Variants in SPECC1L observed in about 807,000 individuals in gnomAD.
SPECC1L encodes cytospin-A.
A neutral mutation model predicts 116.8 loss-of-function variants in SPECC1L; 40 were observed. The observed-to-expected ratio is 0.34, with a 90% CI of 0.27 to 0.45. The LOEUF is 0.45. Ranked by LOEUF, SPECC1L falls within the 20% of genes least tolerant of loss-of-function variation. SPECC1L has a pLI of 1.00. For synonymous variants in SPECC1L, 504 were observed against 500.6 expected, an observed-to-expected ratio of 1.01 and a Z score of -0.09; for missense variants, 1,110 against 1,373.6, an observed-to-expected ratio of 0.81 and a Z score of 3.03.
intron 11 of SPECC1L, among the ~76,000 whole-genome samples, chr22:24,356,937 C>G (rs906042897): frequency 2.6e-5 from 4 of 151,872 alleles, no homozygotes; most frequent in African/African-American, 9.7e-5. Context: ...AGTATCCCTG[C>G]TCTCTACCCA....
chr22:24,327,347 C>CA (rs367775156), intron 6 of SPECC1L, among the ~76,000 whole-genome samples: 4 of 145,110 alleles, frequency 2.8e-5, no homozygotes, highest in Non-Finnish European at 4.5e-5. Context: ...AGCATAATGG[C>CA]AAAAAAATTT....
intron 12 of SPECC1L, 125 bp downstream of exon 12, chr22:24,363,469 C>G: frequency 3.6e-6 from 3 of 843,256 alleles, no homozygotes; most frequent in Non-Finnish European, 3.9e-6. Context: ...TCAAGCTGTC[C>G]TCTCACCTTG....
chr22:24,365,994 G>A (rs2041756731), intron 13 of SPECC1L, among the ~76,000 whole-genome samples: 2 of 151,932 alleles, frequency 1.3e-5, no homozygotes, highest in African/African-American at 4.8e-5. Context: ...GGGAGGGTGG[G>A]GGGCATGATT....
At chr22:24,401,997 G>A (rs1423463201) in intron 14 of SPECC1L, among the ~76,000 whole-genome samples, 1 of 152,006 alleles carries the variant, frequency 6.6e-6, no homozygotes, top group South Asian at 2.1e-4. Flanking sequence ...GCCCTACCTC[G>A]GCCGCCTGCC....
At chr22:24,386,716 G>T (rs2146715670) in intron 14 of SPECC1L, among the ~76,000 whole-genome samples, 1 of 152,072 alleles carries the variant, frequency 6.6e-6, no homozygotes, top group East Asian at 1.9e-4. Flanking sequence ...CCATTCTCCT[G>T]CCTCAGCCTC....
chr22:24,289,028 TA>T (rs2049106498), intron 2 of SPECC1L, among the ~76,000 whole-genome samples: 2 of 152,248 alleles, frequency 1.3e-5, no homozygotes, highest in African/African-American at 4.8e-5. Flanking sequence ...GAGGTTGTTA[TA>T]AATGTACAAA....
chr22:24,347,154 C>T lies in SPECC1L; in HGVS notation c.2721C>T (p.Asn907=). 7 of 1,613,776 alleles carry T rather than the reference C, an allele frequency of 4.3e-6. No homozygotes were observed. The highest frequency in any genetic ancestry group is 5.9e-6 in the Non-Finnish European group (7 of 1,179,722). ...PLTALSDKRP[N]YGEIPVQEHL... is the part of the protein sequence containing the mutation. ...CAGCCCTGTCAGATAAGAGACCAAACTATGGGGAAATCCCTGTTCAAGGTA... is the reference window on the plus strand; with the variant it reads ...CAGCCCTGTCAGATAAGAGACCAAATTATGGGGAAATCCCTGTTCAAGGTA... Residue 907 remains asparagine (N), a synonymous_variant, in exon 11 of 17, where the codon AAC becomes AAT. Transcript: ENST00000314328.
At chr22:24,375,052 C>T (rs76678136) in intron 14 of SPECC1L, among the ~76,000 whole-genome samples, 4,107 of 152,162 alleles carry the variant, frequency 0.027, 62 homozygotes, top group Middle Eastern at 0.045. Context: ...ATACTGTGAA[C>T]AATGAATGCC....
intron 4 of SPECC1L, among the ~76,000 whole-genome samples, chr22:24,316,139 A>G (rs900240967): frequency 5.9e-5 from 9 of 152,292 alleles, no homozygotes; most frequent in Admixed American, 2.0e-4. Context: ...TACCTCCTCC[A>G]GTGACTTTCC....
intron 4 of SPECC1L, among the ~76,000 whole-genome samples, chr22:24,315,792 C>T (rs1441844592): frequency 6.6e-6 from 1 of 152,200 alleles, no homozygotes; most frequent in Non-Finnish European, 1.5e-5. Flanking sequence ...TTTCTCAAAT[C>T]TGGAAGCCAG....
At chr22:24,295,281 A>G (rs1357310995) in intron 2 of SPECC1L, among the ~76,000 whole-genome samples, 2 of 150,972 alleles carry the variant, frequency 1.3e-5, no homozygotes, top group Non-Finnish European at 2.9e-5. Context: ...TTTTAAATTT[A>G]AAAGTAGATA....
At chr22:24,408,360 G>GA (rs1314783881) in intron 14 of SPECC1L, among the ~76,000 whole-genome samples, 2 of 152,250 alleles carry the variant, frequency 1.3e-5, no homozygotes, top group Non-Finnish European at 2.9e-5. Context: ...CCAGAGCAGA[G>GA]AGCCGCATGG....
chr22:24,313,439 G>T lies in SPECC1L; in HGVS notation c.280G>T (p.Val94Leu), dbSNP rs558201484. The T allele has an allele frequency of 6.2e-7, 1 of 1,614,114 alleles. No homozygotes were observed. Among genetic ancestry groups the T allele is most frequent in the East Asian group, 2.2e-5 (1 of 44,888 alleles). The part of the protein sequence containing the change: ...PSASAPAMTT[V>L]ENKSKISTGT... ...AGCATCTGCCCCTGCCATGACCACCGTGGAGAACAAATCCAAGATTAGCAC... is the reference window on the plus strand; with the variant it reads ...AGCATCTGCCCCTGCCATGACCACCTTGGAGAACAAATCCAAGATTAGCAC... Residue 94 changes from valine to leucine, a missense_variant, in exon 4 of 17, where the codon GTG (valine) becomes TTG (leucine). This residue lies in a region of SPECC1L where 437 missense variants were observed against 482.6 expected (regional missense o/e 0.91). Transcript: ENST00000314328.
At chr22:24,301,464 C>T (rs191434321) in intron 2 of SPECC1L, among the ~76,000 whole-genome samples, 21 of 152,254 alleles carry the variant, frequency 1.4e-4, no homozygotes, top group Admixed American at 1.2e-3. Flanking sequence ...TACTGAACAT[C>T]GTAGCTTAGC....
intron 2 of SPECC1L, among the ~76,000 whole-genome samples, chr22:24,300,030 G>A (rs1217088051): frequency 6.6e-6 from 1 of 152,064 alleles, no homozygotes; most frequent in Non-Finnish European, 1.5e-5. Context: ...ATTTAAAAAA[G>A]AAAACAAGAT....
At chr22:24,306,772 A>C (rs1162028091) in intron 3 of SPECC1L, among the ~76,000 whole-genome samples, 1 of 152,160 alleles carries the variant, frequency 6.6e-6, no homozygotes, top group Non-Finnish European at 1.5e-5. Flanking sequence ...CATCTTGCTA[A>C]ACTGAATCTC....
At chr22:24,406,512 G>A (rs2042593769) in intron 14 of SPECC1L, among the ~76,000 whole-genome samples, 1 of 152,152 alleles carries the variant, frequency 6.6e-6, no homozygotes, top group Non-Finnish European at 1.5e-5. Context: ...CTCTCCCTGT[G>A]CTCCCCTGGC....
At chr22:24,386,317 C>T (rs2042159757) in intron 14 of SPECC1L, among the ~76,000 whole-genome samples, 1 of 151,950 alleles carries the variant, frequency 6.6e-6, no homozygotes, top group Admixed American at 6.6e-5. Flanking sequence ...GTATGTAAAG[C>T]TCTATTGGGA....
intron 14 of SPECC1L, among the ~76,000 whole-genome samples, chr22:24,402,021 G>C (rs1294127615): frequency 6.6e-6 from 1 of 151,974 alleles, no homozygotes; most frequent in African/African-American, 2.4e-5. Flanking sequence ...CCTCCTTCTT[G>C]CTCCCTCTTT....
Sources: allele counts gnomAD v4.1 joint callset (sites outside exome capture counted in the v4.1 genomes callset), GRCh38; gene constraint gnomAD v4.1.1; regional missense constraint gnomAD v4.1.1; transcripts MANE v1.5; gene names NCBI Gene and HGNC (gene_info 2026-07-23, HGNC 2026-07-21).